The following CCDC73 variants were observed in gnomAD, a reference collection of about 807,000 sequenced individuals.
CCDC73 encodes coiled-coil domain containing 73.
Under a neutral mutation model 116.5 loss-of-function variants are expected in CCDC73, and 95 were observed. The observed-to-expected ratio is 0.82, with a 90% CI of 0.69 to 0.97. CCDC73 has a LOEUF of 0.97. Ranked by LOEUF, CCDC73 falls within the 50% of genes least tolerant of loss-of-function variation. The pLI is 0.00. For synonymous variants in CCDC73, 398 were observed against 401.3 expected (o/e 0.99, Z 0.10); for missense variants, 1,066 against 1,206.8 (o/e 0.88, Z 1.73).
rs1849826191 is a variant in CCDC73, at chr11:32,702,896, C to T, written c.256G>A (p.Ala86Thr). The T allele has an allele frequency of 6.2e-7, 1 of 1,612,714 alleles. No homozygotes were observed. Among genetic ancestry groups the T allele is most frequent in the Non-Finnish European group, 8.5e-7 (1 of 1,178,762 alleles). ...ACCTGCTTTTTAAAAACTGCCATTG[C>T]TTCCTTGTGTTGCTCTGCCAATGTT... is the stretch of plus-strand genomic sequence containing the variant. Reference protein sequence around the residue: ...KETLAEQHKEAMAVFKKQLQM... With the variant: ...KETLAEQHKETMAVFKKQLQM... Residue 86 changes from alanine (A) to threonine (T), a missense_variant, in exon 4 of 18, where the codon GCA becomes ACA. Coordinates refer to ENST00000335185, the MANE Select transcript of CCDC73 (RefSeq NM_001008391.4).
chr11:32,655,113 T>C, intron 9 of CCDC73, 141 bp from the exon 10 acceptor site: 1 of 661,304 alleles, frequency 1.5e-6, no homozygotes, highest in Non-Finnish European at 2.4e-6. Context: ...CTTGCAAGAT[T>C]AGCCAAGGTG....
intron 6 of CCDC73, 74 bp from the exon 7 acceptor site, chr11:32,683,648 G>T: frequency 1.1e-6 from 1 of 882,602 alleles, no homozygotes; most frequent in Non-Finnish European, 1.8e-6. Flanking sequence ...TATCAAAAGT[G>T]CGTGCTATAA....
chr11:32,652,566 G>C lies in CCDC73; in HGVS notation c.939+557C>G, dbSNP rs568332740. ...AGGGGAAATGCGCCTGCCTCTGCTA[G>C]GGATGTAAGAGAAAAAGCCTCTTTT... On this transcript the variant is annotated intron_variant, in intron 12 of 17. Coordinates refer to ENST00000335185, the MANE Select transcript of CCDC73 (RefSeq NM_001008391.4). Among the ~76,000 whole-genome samples the C allele has an allele frequency of 4.6e-5, 7 of 152,270 alleles. No homozygotes were observed. The East Asian group carries it at 1.4e-3, about 29-fold the overall frequency.
At chr11:32,618,968 CAT>C (rs1458907329) in intron 14 of CCDC73, among the ~76,000 whole-genome samples, 1 of 152,058 alleles carries the variant, frequency 6.6e-6, no homozygotes, top group African/African-American at 2.4e-5. Flanking sequence ...GTTGGCTGCT[CAT>C]ATGTCTTCTT....
At chr11:32,672,970 T>C (rs968117950) in intron 9 of CCDC73, among the ~76,000 whole-genome samples, 10 of 152,138 alleles carry the variant, frequency 6.6e-5, no homozygotes, top group Admixed American at 1.3e-4. Context: ...GATATACATA[T>C]CACAGTCAAT....
At chr11:32,658,299 T>C (rs910002289) in intron 9 of CCDC73, among the ~76,000 whole-genome samples, 2 of 152,206 alleles carry the variant, frequency 1.3e-5, no homozygotes. Context: ...GTGCCACCTC[T>C]TTCCTGGTCC....
At chr11:32,818,933 T>G in the CCDC73 span, among the ~76,000 whole-genome samples, 2 of 152,264 alleles carry the variant, frequency 1.3e-5, no homozygotes, top group Admixed American at 6.5e-5. Flanking sequence ...AGTGACTGTT[T>G]AGTGAGTACA....
chr11:32,747,560 C>T (rs1417407401), intron 2 of CCDC73, among the ~76,000 whole-genome samples: 1 of 152,194 alleles, frequency 6.6e-6, no homozygotes, highest in Non-Finnish European at 1.5e-5. Context: ...AGGCAGTAGG[C>T]CTTGCTGAGC....
intron 14 of CCDC73, among the ~76,000 whole-genome samples, chr11:32,633,631 A>G (rs1322366938): frequency 6.6e-6 from 1 of 152,206 alleles, no homozygotes; most frequent in Non-Finnish European, 1.5e-5. Context: ...ATAGAGTCAC[A>G]TAAGACAAGC....
intron 9 of CCDC73, among the ~76,000 whole-genome samples, chr11:32,659,053 C>G (rs1233835459): frequency 6.6e-6 from 1 of 152,138 alleles, no homozygotes; most frequent in Non-Finnish European, 1.5e-5. Context: ...AATTATTAAG[C>G]CTGAACCATA....
At chr11:32,730,429 TG>T (rs1850065184) in intron 2 of CCDC73, among the ~76,000 whole-genome samples, 2 of 152,212 alleles carry the variant, frequency 1.3e-5, no homozygotes, top group African/African-American at 4.8e-5. Flanking sequence ...ATTTTTTTGC[TG>T]GGAATAGAAT....
At chr11:32,696,707 A>G (rs1856314402) in intron 6 of CCDC73, among the ~76,000 whole-genome samples, 1 of 152,080 alleles carries the variant, frequency 6.6e-6, no homozygotes, top group Non-Finnish European at 1.5e-5. Flanking sequence ...GATTACAGGC[A>G]TGAGCCACCA....
In CCDC73 at chr11:32,611,212, G is replaced by A. The variant is rs1217610162; in HGVS notation, c.2950C>T (p.Pro984Ser). The A allele has an allele frequency of 2.5e-6, 4 of 1,613,182 alleles. No individual in the cohort carries two copies. Among genetic ancestry groups the A allele is most frequent in the Non-Finnish European group, 3.4e-6 (4 of 1,179,322 alleles). ...TCACTGGGTTCTCCCTTGGGATCTG[G>A]ATGGATACTCCAGTTATTCAAAGTG... Reference protein sequence around the residue: ...ADTLNNWSIHPDPKGEPSEEK... With the variant: ...ADTLNNWSIHSDPKGEPSEEK... Residue 984 changes from proline (P) to serine (S), a missense_variant, in exon 17 of 18, where the codon CCA (proline) becomes TCA (serine). By Grantham distance (74) the Pro-to-Ser change is moderately conservative. Coordinates refer to ENST00000335185, the MANE Select transcript of CCDC73 (RefSeq NM_001008391.4).
chr11:32,631,630 G>GGGAAA (rs372803412), intron 14 of CCDC73, among the ~76,000 whole-genome samples: 35 of 150,586 alleles, frequency 2.3e-4, no homozygotes, highest in African/African-American at 5.7e-4. Flanking sequence ...GGGAAGGGAC[G>GGGAAA]GGAAAGGAAA....
intron 6 of CCDC73, among the ~76,000 whole-genome samples, chr11:32,687,687 T>C (rs1395919617): frequency 6.6e-6 from 1 of 152,146 alleles, no homozygotes; most frequent in Non-Finnish European, 1.5e-5. Context: ...TATATACATA[T>C]ATTTCCTAGC....
chr11:32,779,282 A>C (rs63217760), intron 1 of CCDC73, among the ~76,000 whole-genome samples: 1 of 149,886 alleles, frequency 6.7e-6, no homozygotes, highest in African/African-American at 2.5e-5. Flanking sequence ...AAAAAAAAAA[A>C]GGAGGAAGCA....
chr11:32,710,698 T>A (rs1409970707), intron 3 of CCDC73, among the ~76,000 whole-genome samples: 1 of 152,176 alleles, frequency 6.6e-6, no homozygotes, highest in Non-Finnish European at 1.5e-5. Flanking sequence ...ATACGATAAG[T>A]CCATTTGTTC....
At chr11:32,734,445 T>C (rs1201382765) in intron 2 of CCDC73, among the ~76,000 whole-genome samples, 3 of 106,046 alleles carry the variant, frequency 2.8e-5, no homozygotes, top group African/African-American at 1.0e-4. Flanking sequence ...TTTTTTTTTA[T>C]TGATCATTCT....
intron 9 of CCDC73, among the ~76,000 whole-genome samples, chr11:32,672,680 C>G (rs1366515353): frequency 6.6e-6 from 1 of 152,102 alleles, no homozygotes; most frequent in Non-Finnish European, 1.5e-5. Flanking sequence ...GGATTCCAAA[C>G]AGATTTTTTA....
Sources: gnomAD v4.1 joint callset for allele counts (sites outside exome capture counted in the v4.1 genomes callset) on GRCh38, gnomAD v4.1.1 for gene constraint, MANE v1.5 for transcripts, NCBI Gene and HGNC (gene_info 2026-07-23, HGNC 2026-07-21) for gene names.